Variants in DMRT1 observed in about 807,000 individuals in gnomAD.
DMRT1 encodes the protein doublesex and mab-3 related transcription factor 1, also known as doublesex- and mab-3-related transcription factor 1.
DMRT1 carries 7 observed loss-of-function variants against 32.3 expected under a neutral mutation model. The ratio of observed to expected loss-of-function variants is 0.22; its 90% CI spans 0.12 to 0.41. DMRT1 has a LOEUF of 0.41. DMRT1 is among the 10% of genes least tolerant of loss of function. The pLI, the probability that DMRT1 is intolerant of heterozygous loss-of-function variation, is 1.00. For synonymous variants in DMRT1, 278 were observed against 206.1 expected (o/e 1.35, Z -2.99); for missense variants, 625 against 500.5 (o/e 1.25, Z -2.37).
chr9:961,770 T>A (rs1819780665), intron 4 of DMRT1, among the ~76,000 whole-genome samples: 1 of 152,228 alleles, frequency 6.6e-6, no homozygotes, highest in Non-Finnish European at 1.5e-5. Flanking sequence ...TCTGATGCGT[T>A]CAAAAGCAAG....
chr9:848,301 G>T lies in DMRT1; in HGVS notation c.538+1158G>T, dbSNP rs532183975. Among the ~76,000 whole-genome samples, 7 of 152,262 alleles carry T rather than the reference G, an allele frequency of 4.6e-5. No individual in the cohort carries two copies. The South Asian group carries it at 1.0e-3, about 23-fold the overall frequency. On this transcript the variant is annotated intron_variant, in intron 2 of 4. Coordinates refer to ENST00000382276, the MANE Select transcript of DMRT1 (RefSeq NM_021951.3). The stretch of plus-strand genomic sequence containing the variant: ...TCCTCTTGTCAAAAATGAGGGAAAG[G>T]GTTCCTGAGGGTCTTAAAGATCTTA...
chr9:921,153 C>G (rs1200122821), intron 4 of DMRT1, among the ~76,000 whole-genome samples: 2 of 151,960 alleles, frequency 1.3e-5, no homozygotes, highest in African/African-American at 4.8e-5. Flanking sequence ...AAAAGGAAAC[C>G]CCCCATCCTC....
In DMRT1 at chr9:969,015, GAAACT is replaced by G. The variant is rs1302294940; in HGVS notation, c.*878_*882del. 2 of 152,618 alleles carry G rather than the reference GAAACT, an allele frequency of 1.3e-5. No homozygotes were observed. The highest frequency in any genetic ancestry group is 2.4e-5 in the African/African-American group (1 of 41,444). The allele number at this position is 152,618 out of a possible 1,614,324, so 9.5% of individuals were successfully genotyped here. The stretch of plus-strand genomic sequence containing the variant: ...TATATAACAGAAGCCATCCTGAAAT[GAAACT>G]AGTCTAAAAAAATTCATTGTTCTAC... On this transcript the variant is annotated 3_prime_UTR_variant, in exon 5 of 5. Transcript: ENST00000382276.
intron 3 of DMRT1, among the ~76,000 whole-genome samples, chr9:907,976 C>T (rs1817838966): frequency 6.6e-6 from 1 of 152,034 alleles, no homozygotes; most frequent in African/African-American, 2.4e-5. Context: ...TCCGTCAGTA[C>T]CACTGATGGC....
chr9:915,745 A>C (rs1448868752), intron 3 of DMRT1, among the ~76,000 whole-genome samples: 1 of 150,676 alleles, frequency 6.6e-6, no homozygotes, highest in African/African-American at 2.5e-5. Flanking sequence ...ATATATATAT[A>C]TTTTTTAGAC....
At chr9:947,684 C>G (rs936663597) in intron 4 of DMRT1, among the ~76,000 whole-genome samples, 1 of 152,078 alleles carries the variant, frequency 6.6e-6, no homozygotes, top group African/African-American at 2.4e-5. Flanking sequence ...AATGCAGTGG[C>G]GCGATCTCGG....
chr9:920,875 A>G (rs1420049115), intron 4 of DMRT1, among the ~76,000 whole-genome samples: 1 of 152,096 alleles, frequency 6.6e-6, no homozygotes, highest in Non-Finnish European at 1.5e-5. Flanking sequence ...GTGCTTTGTT[A>G]CTTGTCTAAG....
intron 4 of DMRT1, among the ~76,000 whole-genome samples, chr9:922,005 C>T (rs193229076): frequency 1.6e-4 from 25 of 152,148 alleles, no homozygotes; most frequent in Admixed American, 5.9e-4. Flanking sequence ...CTCAGCCTCC[C>T]GGGTAGCTAG....
At chr9:962,979 T>C (rs1331468240) in intron 4 of DMRT1, among the ~76,000 whole-genome samples, 1 of 152,184 alleles carries the variant, frequency 6.6e-6, no homozygotes, top group Non-Finnish European at 1.5e-5. Flanking sequence ...AGTTAAAAAA[T>C]TGGCCTACTA....
chr9:904,987 C>T (rs958959938), intron 3 of DMRT1, among the ~76,000 whole-genome samples: 5 of 150,726 alleles, frequency 3.3e-5, no homozygotes, highest in African/African-American at 9.7e-5. Flanking sequence ...ATTCCTGTTT[C>T]GATCAGAGCC....
intron 3 of DMRT1, among the ~76,000 whole-genome samples, chr9:912,780 G>A (rs995769354): frequency 6.6e-6 from 1 of 152,030 alleles, no homozygotes; most frequent in African/African-American, 2.4e-5. Flanking sequence ...TCTCAATCTC[G>A]GTGTCATATT....
chr9:922,123 C>A (rs1818374218), intron 4 of DMRT1, among the ~76,000 whole-genome samples: 1 of 152,094 alleles, frequency 6.6e-6, no homozygotes, highest in Non-Finnish European at 1.5e-5. Context: ...AAGCGATCCT[C>A]CCACCTCGGC....
chr9:914,776 A>G (rs1386993608), intron 3 of DMRT1, among the ~76,000 whole-genome samples: 1 of 152,172 alleles, frequency 6.6e-6, no homozygotes, highest in East Asian at 1.9e-4. Flanking sequence ...TAATCCACTC[A>G]TGAGAACATA....
At chr9:856,070 C>T (rs989707234) in intron 2 of DMRT1, among the ~76,000 whole-genome samples, 3 of 152,080 alleles carry the variant, frequency 2.0e-5, no homozygotes, top group Admixed American at 1.3e-4. Flanking sequence ...GCGCCCGCCA[C>T]CATGCCCAGC....
At chr9:955,607 G>C (rs1000241132) in intron 4 of DMRT1, among the ~76,000 whole-genome samples, 4 of 152,198 alleles carry the variant, frequency 2.6e-5, no homozygotes, top group Non-Finnish European at 4.4e-5. Context: ...TGGGGAGGCT[G>C]AGGTGGGAGG....
At position 948,566 on chromosome 9, in the gene DMRT1, C is replaced by T. The variant is rs143473764; in HGVS notation, c.968-19419C>T. 2.1e-4 allele frequency among the ~76,000 whole-genome samples: 32 copies of T among 152,086 alleles called. 1 individual carries two copies. The East Asian group carries it at 6.0e-3, about 29-fold the overall frequency. On this transcript the variant is annotated intron_variant, in intron 4 of 4. Transcript: ENST00000382276. ...GCTGGCCCGGGACAGACCATCCTTC[C>T]CCTGCGCTCTGCTGTGTTGGGGCCC...
At chr9:885,602 C>G (rs1164438291) in intron 2 of DMRT1, among the ~76,000 whole-genome samples, 1 of 152,178 alleles carries the variant, frequency 6.6e-6, no homozygotes, top group African/African-American at 2.4e-5. Context: ...CTACTCGTCT[C>G]AATGCCCAGC....
intron 3 of DMRT1, among the ~76,000 whole-genome samples, chr9:897,448 G>C (rs1817415363): frequency 1.3e-5 from 2 of 151,900 alleles, no homozygotes; most frequent in African/African-American, 4.8e-5. Context: ...ATTGATATTG[G>C]AATTGAGAGG....
intron 4 of DMRT1, among the ~76,000 whole-genome samples, chr9:936,176 G>A (rs1219611346): frequency 6.6e-6 from 1 of 152,182 alleles, no homozygotes; most frequent in Non-Finnish European, 1.5e-5. Context: ...ACTTCTTTAT[G>A]AAGGATGTGT....
Sources: allele counts gnomAD v4.1 joint callset (sites outside exome capture counted in the v4.1 genomes callset), GRCh38; gene constraint gnomAD v4.1.1; transcripts MANE v1.5; gene names NCBI Gene and HGNC (gene_info 2026-07-23, HGNC 2026-07-21).